The following CHD2 variants were observed in gnomAD, a reference collection of about 807,000 sequenced individuals.
CHD2 encodes the protein chromodomain helicase DNA binding protein 2, also known as ATP-dependent chromatin remodeler CHD2.
CHD2 carries 28 observed loss-of-function variants against 243.9 expected under a neutral mutation model. That is an observed-to-expected ratio of 0.11 (90% CI 0.09 to 0.16). CHD2 has a LOEUF of 0.16. Among genes scored for constraint, CHD2 ranks in the 10% least tolerant of loss-of-function variants. The probability of loss-of-function intolerance (pLI) is 1.00; values close to 1 mark genes in which losing one functional copy is unlikely to be tolerated. For missense variants in CHD2, 1,386 were observed against 2,209.8 expected (o/e 0.63, Z 7.47); for synonymous variants, 775 against 779.0 (o/e 0.99, Z 0.09).
At chr15:92,993,358 A>G (rs1199089517) in intron 28 of CHD2, 1 of 193,428 alleles carries the variant, frequency 5.2e-6, no homozygotes, top group Non-Finnish European at 1.1e-5. Flanking sequence ...ATTGTTAATT[A>G]TCTTGGATAT....
At chr15:92,934,391 A>G (rs1337493532) in intron 5 of CHD2, among the ~76,000 whole-genome samples, 1 of 150,732 alleles carries the variant, frequency 6.6e-6, no homozygotes, top group African/African-American at 2.4e-5. Flanking sequence ...TTTCGGGAAA[A>G]ATTTAGTTGA....
intron 3 of CHD2, among the ~76,000 whole-genome samples, chr15:92,926,244 A>G (rs1171468602): frequency 6.6e-6 from 1 of 152,208 alleles, no homozygotes; most frequent in Non-Finnish European, 1.5e-5. Context: ...GGGTGGTGGG[A>G]TTACATGCCT....
intron 17 of CHD2, among the ~76,000 whole-genome samples, chr15:92,970,215 T>A (rs1318140263): frequency 6.6e-6 from 1 of 152,090 alleles, no homozygotes; most frequent in African/African-American, 2.4e-5. Flanking sequence ...TATTATTATT[T>A]TTTGAGATGG....
At chr15:92,915,896 G>A (rs1356757468) in intron 2 of CHD2, among the ~76,000 whole-genome samples, 1 of 152,072 alleles carries the variant, frequency 6.6e-6, no homozygotes, top group Admixed American at 6.5e-5. Flanking sequence ...AATTCCTTGT[G>A]GACAAAGAAC....
intron 5 of CHD2, among the ~76,000 whole-genome samples, 159 bp from the exon 6 acceptor site, chr15:92,937,359 T>C (rs1336072289): frequency 1.3e-5 from 2 of 152,220 alleles, no homozygotes; most frequent in East Asian, 3.8e-4. Flanking sequence ...CCAGGAAGGA[T>C]CACAATTCAA....
At chr15:92,980,937 T>C (rs1355003161) in intron 23 of CHD2, 26 bp downstream of exon 23, 2 of 1,516,352 alleles carry the variant, frequency 1.3e-6, no homozygotes, top group South Asian at 2.3e-5. Flanking sequence ...GAGAGGGAAA[T>C]TTTTTTGAGA....
intron 2 of CHD2, among the ~76,000 whole-genome samples, chr15:92,906,221 C>T (rs2052618931): frequency 6.6e-6 from 1 of 152,054 alleles, no homozygotes; most frequent in African/African-American, 2.4e-5. Context: ...CATCAAGCAG[C>T]AAGAAAAGAG....
intron 8 of CHD2, among the ~76,000 whole-genome samples, 156 bp downstream of exon 8, chr15:92,942,111 A>G (rs186159352): frequency 2.6e-5 from 4 of 152,334 alleles, no homozygotes; most frequent in East Asian, 3.9e-4. Flanking sequence ...GCTGAGGACA[A>G]AGGTATGTGT....
At chr15:92,942,721 T>A (rs2141787100) in intron 8 of CHD2, 122 bp from the exon 9 acceptor site, 1 of 661,824 alleles carries the variant, frequency 1.5e-6, no homozygotes, top group South Asian at 2.5e-5. Context: ...TGTACTTATT[T>A]CAAGTTGAAG....
intron 2 of CHD2, chr15:92,901,687 T>C (rs2052530618): frequency 1.1e-5 from 4 of 350,020 alleles, no homozygotes; most frequent in Non-Finnish European, 2.0e-5. Flanking sequence ...ATTTTTTCTT[T>C]GAAGAATCCA....
intron 2 of CHD2, among the ~76,000 whole-genome samples, chr15:92,905,192 G>A (rs1415999921): frequency 6.6e-6 from 1 of 152,206 alleles, no homozygotes; most frequent in Non-Finnish European, 1.5e-5. Flanking sequence ...AATGCAGGGT[G>A]ACTGACAGCT....
intron 6 of CHD2, 52 bp from the exon 7 acceptor site, chr15:92,939,526 A>T (rs1367255567): frequency 6.3e-7 from 1 of 1,575,630 alleles, no homozygotes. Flanking sequence ...TATAAAGTAG[A>T]CACCAAATGA....
intron 12 of CHD2, chr15:92,947,415 C>G (rs944729815): frequency 1.3e-5 from 2 of 152,196 alleles, no homozygotes; most frequent in Non-Finnish European, 2.9e-5. Context: ...AGGAGAACTA[C>G]TAGACCCCAG....
chr15:92,968,254 G>A (rs374033913), intron 17 of CHD2, among the ~76,000 whole-genome samples: 3 of 152,228 alleles, frequency 2.0e-5, no homozygotes, highest in African/African-American at 7.2e-5. Flanking sequence ...AGGTGTGGTG[G>A]CTCACGCCTA....
intron 2 of CHD2, among the ~76,000 whole-genome samples, chr15:92,918,996 T>C (rs1390319118): frequency 6.6e-6 from 1 of 151,912 alleles, no homozygotes; most frequent in Non-Finnish European, 1.5e-5. Context: ...GTAGCTGGGA[T>C]TACAGGTGCA....
chr15:92,901,221 T>C lies in CHD2; in HGVS notation c.-17T>C. On this transcript the variant is annotated 5_prime_UTR_variant, in exon 2 of 39. Coordinates refer to ENST00000394196, the MANE Select transcript of CHD2 (RefSeq NM_001271.4). The stretch of plus-strand genomic sequence containing the variant: ...AACACAGATTCCCCCTCCCCCTTAA[T>C]ATTTAAGAATTAAAAGATGATGAGA... The C allele has an allele frequency of 6.6e-7, 1 of 1,518,486 alleles. No homozygotes were observed. The highest frequency in any genetic ancestry group is 9.1e-7 in the Non-Finnish European group (1 of 1,095,872). 94.1% of individuals were successfully genotyped at this position (1,518,486 alleles called of 1,614,324 possible).
At chr15:93,000,358 GT>G (rs1283480851) in intron 31 of CHD2, among the ~76,000 whole-genome samples, 153 bp from the exon 32 acceptor site, 1 of 152,200 alleles carries the variant, frequency 6.6e-6, no homozygotes, top group African/African-American at 2.4e-5. Flanking sequence ...GTTTGGTCTT[GT>G]GAGGTAAAAT....
chr15:92,901,307 C>G lies in CHD2; in HGVS notation c.62+8C>G, dbSNP rs1330847132. ...ACACAGCAATGCATCGAGGTATGAG[C>G]TATCAACTTTCTTCCTTTTTGTCTT... On this transcript the variant is annotated splice_region_variant and intron_variant, in intron 2 of 38. Transcript: ENST00000394196. 1 of 1,585,262 alleles carries G rather than the reference C, an allele frequency of 6.3e-7. No individual in the cohort carries two copies. Among genetic ancestry groups the G allele is most frequent in the East Asian group, 2.2e-5 (1 of 44,554 alleles).
chr15:92,908,380 A>G lies in CHD2; in HGVS notation c.62+7081A>G, dbSNP rs80324117. On this transcript the variant is annotated intron_variant, in intron 2 of 38. Transcript: ENST00000394196. ...CCGAACATGCAAGTCTGCTTAAACT[A>G]TAGTCTTAAGATTTGTGTGTTTTGG... Among the ~76,000 whole-genome samples, 12 of 152,292 alleles carry G rather than the reference A, an allele frequency of 7.9e-5. No individual in the cohort carries two copies. The East Asian group carries it at 2.1e-3, about 27-fold the overall frequency.
Sources: gnomAD v4.1 joint callset for allele counts (sites outside exome capture counted in the v4.1 genomes callset) on GRCh38, gnomAD v4.1.1 for gene constraint, MANE v1.5 for transcripts, NCBI Gene and HGNC (gene_info 2026-07-23, HGNC 2026-07-21) for gene names.